PLXDC2: variants seen among roughly 807,000 people sequenced by gnomAD.
The protein encoded by PLXDC2 is plexin domain-containing protein 2.
A neutral mutation model predicts 68.9 loss-of-function variants in PLXDC2; 40 were observed. The observed-to-expected ratio is 0.58, with a 90% CI of 0.45 to 0.76. The LOEUF (loss-of-function observed/expected upper bound fraction) is 0.76. Ranked by LOEUF, PLXDC2 falls within the 30% of genes least tolerant of loss-of-function variation. PLXDC2 has a pLI of 0.00. For missense variants in PLXDC2, 644 were observed against 661.9 expected (o/e 0.97, Z 0.30); for synonymous variants, 243 against 234.2 (o/e 1.04, Z -0.34).
intron 7 of PLXDC2, among the ~76,000 whole-genome samples, chr10:20,175,751 G>C (rs1216013960): frequency 6.6e-6 from 1 of 152,162 alleles, no homozygotes; most frequent in African/African-American, 2.4e-5. Context: ...AGGATCGCTT[G>C]AGCCCAGGAT....
chr10:20,200,613 T>C (rs957991321), intron 9 of PLXDC2, among the ~76,000 whole-genome samples: 1 of 152,038 alleles, frequency 6.6e-6, no homozygotes, highest in Non-Finnish European at 1.5e-5. Context: ...ATAGAAGATA[T>C]TGATAAACTG....
At chr10:20,063,901 A>G (rs1836149496) in intron 3 of PLXDC2, among the ~76,000 whole-genome samples, 1 of 152,212 alleles carries the variant, frequency 6.6e-6, no homozygotes, top group South Asian at 2.1e-4. Context: ...CCATATGAAG[A>G]CGTAATACTT....
intron 4 of PLXDC2, among the ~76,000 whole-genome samples, chr10:20,091,354 A>G (rs1347577504): frequency 3.9e-5 from 6 of 152,200 alleles, no homozygotes; most frequent in Admixed American, 1.3e-4. Flanking sequence ...CGTATCCAAC[A>G]ATGACCAAGT....
At chr10:20,241,132 G>C (rs1335947477) in intron 12 of PLXDC2, among the ~76,000 whole-genome samples, 1 of 36,358 alleles carries the variant, frequency 2.8e-5, no homozygotes, top group Non-Finnish European at 7.8e-5. Context: ...AAATGTAAAG[G>C]AACATTTTTT....
intron 12 of PLXDC2, among the ~76,000 whole-genome samples, chr10:20,228,421 A>T (rs142393190): frequency 6.6e-6 from 1 of 151,698 alleles, no homozygotes; most frequent in Non-Finnish European, 1.5e-5. Context: ...AATTAGCAAG[A>T]CATGGTGGCA....
At chr10:20,062,644 AT>A in intron 3 of PLXDC2, among the ~76,000 whole-genome samples, 1 of 152,260 alleles carries the variant, frequency 6.6e-6, no homozygotes, top group South Asian at 2.1e-4. Context: ...TGTGTGTTTT[AT>A]GATGAGTAAA....
intron 1 of PLXDC2, among the ~76,000 whole-genome samples, chr10:19,909,804 C>T (rs73601642): frequency 0.06 from 9,187 of 152,058 alleles, 620 homozygotes; most frequent in African/African-American, 0.17. Context: ...CAGATGCTTT[C>T]GTAACACTTA....
intron 4 of PLXDC2, among the ~76,000 whole-genome samples, chr10:20,138,906 C>T (rs1374662335): frequency 1.3e-5 from 2 of 151,714 alleles, no homozygotes; most frequent in Non-Finnish European, 2.9e-5. Flanking sequence ...GAGCAAGACT[C>T]TGTCTCAGAG....
At chr10:19,955,505 C>T (rs1328429459) in intron 1 of PLXDC2, among the ~76,000 whole-genome samples, 2 of 152,086 alleles carry the variant, frequency 1.3e-5, no homozygotes, top group Non-Finnish European at 2.9e-5. Context: ...GCTCATGGTC[C>T]CAGGTCCAAG....
chr10:19,953,298 A>G (rs369393324), intron 1 of PLXDC2, among the ~76,000 whole-genome samples: 1 of 152,206 alleles, frequency 6.6e-6, no homozygotes, highest in East Asian at 1.9e-4. Context: ...GTTGTGATTC[A>G]GAATAGGGAC....
At chr10:20,072,377 TAAAGAG>T (rs1409587338) in intron 4 of PLXDC2, among the ~76,000 whole-genome samples, 1 of 58,852 alleles carries the variant, frequency 1.7e-5, no homozygotes, top group Non-Finnish European at 3.8e-5. Context: ...TCAAAAAAAA[TAAAGAG>T]AGAAAGAGGA....
Position 20,279,772 on chromosome 10 carries a change from G to C in PLXDC2, c.1543G>C (p.Glu515Gln). ...TGGACATCCTGCCTATGCTGAAGTT[G>C]AACCAGTTGGAGAGAAAGAAGGCTT... ...GSGHPAYAEV[E>Q]PVGEKEGFIV... Residue 515 changes from glutamate (E) to glutamine (Q), a missense_variant, in exon 14 of 14, where the codon GAA becomes CAA. Transcript: ENST00000377252. 6.2e-7 allele frequency: 1 copy of C among 1,613,956 alleles called. No individual in the cohort carries two copies. The highest frequency in any genetic ancestry group is 8.5e-7 in the Non-Finnish European group (1 of 1,179,938).
chr10:19,900,754 C>T (rs1838144685), intron 1 of PLXDC2, among the ~76,000 whole-genome samples: 1 of 151,810 alleles, frequency 6.6e-6, no homozygotes, highest in Non-Finnish European at 1.5e-5. Flanking sequence ...ATCTCTCACC[C>T]CCGCCTACCC....
chr10:20,071,205 G>T (rs781198199), intron 4 of PLXDC2: 1 of 152,168 alleles, frequency 6.6e-6, no homozygotes, highest in Non-Finnish European at 1.5e-5. Context: ...TACATAGCTT[G>T]CTTGCTCTTT....
At chr10:20,108,855 G>T (rs1370217974) in intron 4 of PLXDC2, among the ~76,000 whole-genome samples, 1 of 152,162 alleles carries the variant, frequency 6.6e-6, no homozygotes, top group Non-Finnish European at 1.5e-5. Context: ...TAAGATTGTA[G>T]GTGAATAAGA....
intron 2 of PLXDC2, among the ~76,000 whole-genome samples, chr10:20,025,954 G>T (rs868301076): frequency 1.3e-5 from 2 of 151,862 alleles, no homozygotes; most frequent in Non-Finnish European, 1.5e-5. Context: ...TTACAGATTA[G>T]TGAAAAGAAC....
Position 20,046,863 on chromosome 10 carries a change from T to C in PLXDC2, c.325-6T>C, listed in dbSNP as rs746342117. On this transcript the variant is annotated splice_region_variant and splice_polypyrimidine_tract_variant and intron_variant, in intron 2 of 13. Transcript: ENST00000377252. ...TCTTGATATACATTATTATCTATTA[T>C]TGCAGGAGGATACAGACCACAATTA... is the stretch of plus-strand genomic sequence containing the variant. 17 of 1,596,956 alleles carry C rather than the reference T, an allele frequency of 1.1e-5. No homozygotes were observed. The South Asian group carries it at 1.7e-4, about 16-fold the overall frequency.
chr10:20,082,325 G>A (rs901925051), intron 4 of PLXDC2, among the ~76,000 whole-genome samples: 1 of 151,718 alleles, frequency 6.6e-6, no homozygotes, highest in Non-Finnish European at 1.5e-5. Context: ...TTTGTCAAGG[G>A]ATGTATGATG....
At chr10:20,021,822 C>A (rs1835314721) in intron 2 of PLXDC2, among the ~76,000 whole-genome samples, 1 of 152,160 alleles carries the variant, frequency 6.6e-6, no homozygotes, top group Non-Finnish European at 1.5e-5. Context: ...TCTCAGCCTC[C>A]CAAGTAGCTG....
Sources: gnomAD v4.1 joint callset for allele counts (sites outside exome capture counted in the v4.1 genomes callset) on GRCh38, gnomAD v4.1.1 for gene constraint, MANE v1.5 for transcripts, NCBI Gene and HGNC (gene_info 2026-07-23, HGNC 2026-07-21) for gene names.